The following SLC22A14 variants were observed in gnomAD, a reference collection of about 807,000 sequenced individuals.
SLC22A14 encodes the protein solute carrier family 22 member 14, also known as organic cation transporter-like 4.
A neutral mutation model predicts 53.9 loss-of-function variants in SLC22A14; 50 were observed. That is an observed-to-expected ratio of 0.93 (90% CI 0.74 to 1.17). The LOEUF is 1.17. Among genes scored for constraint, SLC22A14 ranks in the 50% most tolerant of loss-of-function variants. The pLI, the probability that SLC22A14 is intolerant of heterozygous loss-of-function variation, is 0.00. For missense variants in SLC22A14, 671 were observed against 734.7 expected (o/e 0.91, Z 1.00); for synonymous variants, 312 against 303.0 (o/e 1.03, Z -0.31).
upstream of SLC22A14, among the ~76,000 whole-genome samples, chr3:38,279,862 G>A (rs1703629262): frequency 1.3e-5 from 2 of 152,152 alleles, no homozygotes; most frequent in Admixed American, 6.5e-5. Flanking sequence ...GTCCAGGTGT[G>A]TGAAAGCGAA....
upstream of SLC22A14, among the ~76,000 whole-genome samples, chr3:38,279,081 G>A (rs1383246357): frequency 6.6e-6 from 1 of 152,164 alleles, no homozygotes. Context: ...GCTGGTTCGG[G>A]GTTGGGCGTA....
At chr3:38,288,519 G>A (rs55788779) in intron 1 of SLC22A14, among the ~76,000 whole-genome samples, 9,808 of 152,106 alleles carry the variant, frequency 0.064, 380 homozygotes, top group East Asian at 0.16. Context: ...TGTTTTCCAT[G>A]GTGGCTACAC....
At chr3:38,294,752 AAG>A (rs1306534362) in intron 1 of SLC22A14, among the ~76,000 whole-genome samples, 1 of 151,960 alleles carries the variant, frequency 6.6e-6, no homozygotes, top group Non-Finnish European at 1.5e-5. Context: ...ACCACAGAGA[AAG>A]GGGTCCGGGC....
chr3:38,312,536 G>A (rs571863777), intron 5 of SLC22A14, among the ~76,000 whole-genome samples: 2 of 152,302 alleles, frequency 1.3e-5, no homozygotes, highest in African/African-American at 2.4e-5. Flanking sequence ...GGGCACTGGG[G>A]TCAGACCCAG....
intron 1 of SLC22A14, chr3:38,303,659 T>C (rs1196931663): frequency 2.0e-5 from 3 of 152,214 alleles, no homozygotes; most frequent in Admixed American, 1.3e-4. Flanking sequence ...ATTGTATTTA[T>C]TTAATACAAT....
intron 1 of SLC22A14, among the ~76,000 whole-genome samples, chr3:38,283,814 A>T (rs1703727179): frequency 6.6e-6 from 1 of 152,172 alleles, no homozygotes; most frequent in African/African-American, 2.4e-5. Context: ...TGGGTGACAG[A>T]CCGAGATTCT....
chr3:38,304,671 G>A (rs1043448428), intron 1 of SLC22A14, among the ~76,000 whole-genome samples: 2 of 152,160 alleles, frequency 1.3e-5, no homozygotes, highest in African/African-American at 4.8e-5. Flanking sequence ...AGACTGCTGA[G>A]GCTCTTCATT....
intron 1 of SLC22A14, among the ~76,000 whole-genome samples, chr3:38,293,659 A>C (rs1438513055): frequency 6.6e-6 from 1 of 152,184 alleles, no homozygotes; most frequent in Non-Finnish European, 1.5e-5. Context: ...ACATCATTGA[A>C]TAATTCACAG....
In SLC22A14 at chr3:38,315,618, C is replaced by T. The variant is rs1352160080; in HGVS notation, c.1439C>T (p.Thr480Met). The T allele has an allele frequency of 6.8e-6, 11 of 1,614,028 alleles. No homozygotes were observed. In the East Asian group the frequency reaches 1.1e-4, roughly 16 times the overall value. Residue 480 changes from threonine (T) to methionine (M), a missense_variant, in exon 9 of 11, where the codon ACG (threonine) becomes ATG (methionine). By Grantham distance (81) the Thr-to-Met change is moderately conservative (BLOSUM62 -1). Coordinates refer to ENST00000448498, the MANE Select transcript of SLC22A14 (RefSeq NM_001320033.2). ...CCGGCCACAGAGCTGAAATCCATGA[C>T]GATCTTGGTGCTCATGCTCAGAGAG... Reference protein sequence around the residue: ...RCPATELKSMTILVLMLREFS... With the variant: ...RCPATELKSMMILVLMLREFS...
At position 38,290,490 on chromosome 3, in the gene SLC22A14, A is replaced by T. The variant is rs139151982; in HGVS notation, c.-1+8151A>T. On this transcript the variant is annotated intron_variant, in intron 1 of 10. Transcript: ENST00000448498. Reference sequence around the variant, plus strand: ...ACAGGGATTGAAATGTATGGCCTGCAGTGTAGGGGATTATTTCTTTGGCAC... The same window carrying T: ...ACAGGGATTGAAATGTATGGCCTGCTGTGTAGGGGATTATTTCTTTGGCAC... Among the ~76,000 whole-genome samples, 845 of 152,304 alleles carry T rather than the reference A, an allele frequency of 5.5e-3. 7 individuals are homozygous for T. The highest frequency in any genetic ancestry group is 0.019 in the African/African-American group (799 of 41,552).
chr3:38,317,752 A>C (rs112769383), intron 10 of SLC22A14, among the ~76,000 whole-genome samples: 1 of 152,248 alleles, frequency 6.6e-6, no homozygotes, highest in African/African-American at 2.4e-5. Context: ...TGTTCTACAC[A>C]TGCCTTATCT....
chr3:38,280,180 T>C (rs962897512), upstream of SLC22A14, among the ~76,000 whole-genome samples: 4 of 152,180 alleles, frequency 2.6e-5, no homozygotes, highest in African/African-American at 9.7e-5. Context: ...GCCTCCTCTT[T>C]CCTTCCACTA....
chr3:38,280,508 G>C (rs1703643898), upstream of SLC22A14, among the ~76,000 whole-genome samples: 1 of 152,088 alleles, frequency 6.6e-6, no homozygotes, highest in African/African-American at 2.4e-5. Flanking sequence ...TATTTGTTCT[G>C]TAAACTCATA....
chr3:38,301,348 A>G (rs1704155768), intron 1 of SLC22A14, among the ~76,000 whole-genome samples: 1 of 152,240 alleles, frequency 6.6e-6, no homozygotes, highest in African/African-American at 2.4e-5. Context: ...GTTTCCCCAC[A>G]GCCTCATCAA....
intron 1 of SLC22A14, among the ~76,000 whole-genome samples, chr3:38,303,111 CTTT>C (rs1184292992): frequency 6.6e-6 from 1 of 151,884 alleles, no homozygotes; most frequent in Non-Finnish European, 1.5e-5. Flanking sequence ...TTTGTATCTT[CTTT>C]TTTATTTTAT....
intron 1 of SLC22A14, among the ~76,000 whole-genome samples, chr3:38,287,273 A>G (rs1461704639): frequency 6.6e-6 from 1 of 152,232 alleles, no homozygotes; most frequent in Non-Finnish European, 1.5e-5. Flanking sequence ...ACTACAATTT[A>G]CACATTCTTA....
At position 38,316,311 on chromosome 3, in the gene SLC22A14, C is replaced by T. The variant is rs1268471741; in HGVS notation, c.1533-13C>T. On this transcript the variant is annotated splice_polypyrimidine_tract_variant and intron_variant, in intron 9 of 10. Transcript: ENST00000448498. The stretch of plus-strand genomic sequence containing the variant: ...GGCAGACCCCTCACAGGAGCTCTCA[C>T]CTCCACTTTCAGGGCGACAGGTCTG... 1 of 1,613,560 alleles carries T rather than the reference C, an allele frequency of 6.2e-7. No homozygotes were observed. Among genetic ancestry groups the T allele is most frequent in the East Asian group, 2.2e-5 (1 of 44,884 alleles).
At position 38,312,768 on chromosome 3, in the gene SLC22A14, G is replaced by T. The variant is rs1280772917; in HGVS notation, c.945-231G>T. Among the ~76,000 whole-genome samples, 3 of 152,318 alleles carry T rather than the reference G, an allele frequency of 2.0e-5. No individual in the cohort carries two copies. In the South Asian group the frequency reaches 6.2e-4, roughly 32 times the overall value. On this transcript the variant is annotated intron_variant, in intron 5 of 10. Transcript: ENST00000448498. ...AGACTGGAGACAGAGGCAGCCGGTG[G>T]TCAGGGTGTTACCTAGCAGCAGTGG...
At position 38,306,482 on chromosome 3, in the gene SLC22A14, A is replaced by C. The variant is rs1218883249; in HGVS notation, c.456A>C (p.Thr152=). Residue 152 remains threonine (T), a synonymous_variant, in exon 2 of 11, where the codon ACA becomes ACC. Coordinates refer to ENST00000448498, the MANE Select transcript of SLC22A14 (RefSeq NM_001320033.2). ...DSIIQFGLND[T]DTCQDGWIYP... is the part of the protein sequence containing the mutation. ...TCATCCAGTTTGGCCTCAATGACACAGACACATGCCAAGATGGGTGGATCT... is the reference window on the plus strand; with the variant it reads ...TCATCCAGTTTGGCCTCAATGACACCGACACATGCCAAGATGGGTGGATCT... 1 of 1,614,178 alleles carries C rather than the reference A, an allele frequency of 6.2e-7. No homozygotes were observed.
Sources: gnomAD v4.1 joint callset for allele counts (sites outside exome capture counted in the v4.1 genomes callset) on GRCh38, gnomAD v4.1.1 for gene constraint, MANE v1.5 for transcripts, NCBI Gene and HGNC (gene_info 2026-07-23, HGNC 2026-07-21) for gene names.